CACNA1C: variants seen among roughly 807,000 people sequenced by gnomAD.
CACNA1C encodes the protein voltage-dependent L-type calcium channel subunit alpha-1C.
CACNA1C carries 30 observed loss-of-function variants against 229.0 expected under a neutral mutation model. The ratio of observed to expected loss-of-function variants is 0.13; its 90% CI spans 0.10 to 0.18. The LOEUF (loss-of-function observed/expected upper bound fraction) is 0.18, where lower values mean the gene tolerates loss of function less well. Ranked by LOEUF, CACNA1C falls within the 10% of genes least tolerant of loss-of-function variation. The pLI is 1.00. For missense variants in CACNA1C, 1,658 were observed against 2,845.0 expected (o/e 0.58, Z 9.49); for synonymous variants, 1,114 against 1,132.5 (o/e 0.98, Z 0.33).
chr12:2,020,627 C>T lies in CACNA1C; in HGVS notation c.139+49426C>T, dbSNP rs150655617. ...GGACTATAAGTACACTTGGCTACAA[C>T]AAAATGGTTGAGCAGGAAAGAAGGG... On this transcript the variant is annotated intron_variant, in intron 1 of 46. Coordinates refer to the CACNA1C transcript ENST00000682462. 3 of 152,154 alleles carry T rather than the reference C, an allele frequency of 2.0e-5. No individual in the cohort carries two copies. The East Asian group carries it at 5.8e-4, about 29-fold the overall frequency. The allele number at this position is 152,154 out of a possible 1,614,324, so 9.4% of individuals were successfully genotyped here. A position where few individuals can be genotyped will look rare whatever the true frequency, so the allele number is the denominator to read the frequency against.
chr12:2,620,600 C>T (rs1431939167), intron 29 of CACNA1C, among the ~76,000 whole-genome samples: 2 of 152,218 alleles, frequency 1.3e-5, no homozygotes, highest in Non-Finnish European at 2.9e-5. Flanking sequence ...CCCTGCATTC[C>T]CTAGATTGCT....
intron 3 of CACNA1C, among the ~76,000 whole-genome samples, chr12:2,177,587 C>CCCTCCCTCCCTCCCTCCTT (rs750852324): frequency 2.8e-4 from 22 of 78,518 alleles, no homozygotes; most frequent in Middle Eastern, 5.7e-3. Flanking sequence ...CTCCCTCCCT[C>CCCTCCCTCCCTCCCTCCTT]CCTTCCTTCC....
At chr12:2,305,399 C>T (rs992198347) in intron 3 of CACNA1C, among the ~76,000 whole-genome samples, 4 of 152,236 alleles carry the variant, frequency 2.6e-5, no homozygotes, top group African/African-American at 9.6e-5. Flanking sequence ...CAGCCTGGTG[C>T]TCCTTCCCCT....
rs755308493 is a variant in CACNA1C, at chr12:2,550,012, A to C, written c.1460A>C (p.Glu487Ala). ...ENVAGGDIEG[E>A]NCGARLAHRI... is the part of the protein sequence containing the mutation. ...GTGGCTGGAGGTGACATCGAGGGAGAAAACTGCGGGGCCAGGCTGGCGTGA... is the reference window on the plus strand; with the variant it reads ...GTGGCTGGAGGTGACATCGAGGGAGCAAACTGCGGGGCCAGGCTGGCGTGA... Residue 487 changes from glutamate to alanine, a missense_variant, in exon 10 of 47, where the codon GAA becomes GCA. Around this residue, in one of 20 missense-constraint regions of CACNA1C, gnomAD observed 149 missense variants for 194.2 expected, o/e 0.77. Coordinates refer to ENST00000399655, the MANE Select transcript of CACNA1C (RefSeq NM_000719.7). The C allele has an allele frequency of 1.2e-6, 2 of 1,606,962 alleles. No homozygotes were observed. The highest frequency in any genetic ancestry group is 1.7e-6 in the Non-Finnish European group (2 of 1,176,702).
chr12:2,374,116 G>A (rs147001819), intron 3 of CACNA1C, among the ~76,000 whole-genome samples: 154 of 152,294 alleles, frequency 1.0e-3, no homozygotes, highest in African/African-American at 3.6e-3. Flanking sequence ...CCCACAACTA[G>A]TAGACAGTAG....
intron 3 of CACNA1C, among the ~76,000 whole-genome samples, chr12:2,333,361 T>C (rs1593113823): frequency 2.0e-5 from 3 of 152,190 alleles, no homozygotes; most frequent in East Asian, 1.9e-4. Flanking sequence ...ATCATGCCCA[T>C]GGTGGGTGAA....
intron 3 of CACNA1C, among the ~76,000 whole-genome samples, chr12:2,416,194 C>G (rs946004367): frequency 3.3e-5 from 5 of 151,902 alleles, no homozygotes; most frequent in Admixed American, 2.0e-4. Flanking sequence ...CACTCATTTA[C>G]CGTCCTTCCC....
chr12:2,318,237 C>T (rs563643293), intron 3 of CACNA1C, among the ~76,000 whole-genome samples: 5 of 152,300 alleles, frequency 3.3e-5, no homozygotes, highest in African/African-American at 7.2e-5. Context: ...CCTTCTGGGG[C>T]GGGAACTCAC....
In CACNA1C at chr12:2,147,172, A is replaced by G. The variant is rs142909687; in HGVS notation, c.477+26742A>G. On this transcript the variant is annotated intron_variant, in intron 3 of 46. Coordinates refer to ENST00000399655, the MANE Select transcript of CACNA1C (RefSeq NM_000719.7). The stretch of plus-strand genomic sequence containing the variant: ...AACGAATCACTGAGAGAGGGGGGGA[A>G]CCTCCAAAATGTTGTGAGTTGCTTG... 1.8e-3 allele frequency among the ~76,000 whole-genome samples: 274 copies of G among 151,456 alleles called. 5 individuals carry two copies. Among genetic ancestry groups the G allele is most frequent in the African/African-American group, 6.1e-3 (252 of 41,484 alleles).
chr12:2,314,563 C>T (rs1203520484), intron 3 of CACNA1C, among the ~76,000 whole-genome samples: 1 of 152,190 alleles, frequency 6.6e-6, no homozygotes, highest in Admixed American at 6.5e-5. Flanking sequence ...TCCATTTCCC[C>T]TCTTGTTGTA....
chr12:2,216,735 G>C (rs1566461066), intron 3 of CACNA1C, among the ~76,000 whole-genome samples: 1 of 152,170 alleles, frequency 6.6e-6, no homozygotes, highest in South Asian at 2.1e-4. Flanking sequence ...TTTTTTGAAA[G>C]CACCCCCAGG....
chr12:2,167,862 G>A (rs548101356), intron 3 of CACNA1C, among the ~76,000 whole-genome samples: 9 of 152,168 alleles, frequency 5.9e-5, no homozygotes, highest in Non-Finnish European at 1.3e-4. Context: ...GTGAAACCCA[G>A]AAACTCATCC....
At position 2,688,519 on chromosome 12, in the gene CACNA1C, G is replaced by T. The variant is rs766480449; in HGVS notation, c.5857G>T (p.Ala1953Ser). The T allele has an allele frequency of 1.2e-6, 2 of 1,613,782 alleles. No individual in the cohort carries two copies. The highest frequency in any genetic ancestry group is 4.5e-5 in the East Asian group (2 of 44,824). Residue 1953 changes from alanine to serine, a missense_variant, in exon 46 of 47, where the codon GCC (alanine) becomes TCC (serine). Ala to Ser is a moderately conservative substitution (Grantham distance 99). Coordinates refer to ENST00000399655, the MANE Select transcript of CACNA1C (RefSeq NM_000719.7). ...HSPASFPRPFATPPATPGSRG... is the reference protein window; with the variant it reads ...HSPASFPRPFSTPPATPGSRG... ...CCCTGCCTCATTCCCTAGGCCTTTT[G>T]CCACCCCACCAGCCACACCTGGCAG... is the stretch of plus-strand genomic sequence containing the variant.
chr12:2,282,347 A>C (rs1291652560), intron 3 of CACNA1C, among the ~76,000 whole-genome samples: 1 of 152,164 alleles, frequency 6.6e-6, no homozygotes, highest in Non-Finnish European at 1.5e-5. Context: ...TGTGAGCCCA[A>C]AGGCACTAGA....
At chr12:2,178,783 T>C (rs1277521873) in intron 3 of CACNA1C, among the ~76,000 whole-genome samples, 1 of 152,120 alleles carries the variant, frequency 6.6e-6, no homozygotes, top group Non-Finnish European at 1.5e-5. Flanking sequence ...GAAGATAGGC[T>C]GGGCACAGTG....
chr12:2,385,551 G>A (rs1440545625), intron 3 of CACNA1C, among the ~76,000 whole-genome samples: 1 of 152,070 alleles, frequency 6.6e-6, no homozygotes, highest in East Asian at 1.9e-4. Context: ...CCTTAGGTAG[G>A]CCCCTGGCAG....
At chr12:2,564,283 C>T (rs1479326903) in intron 11 of CACNA1C, among the ~76,000 whole-genome samples, 3 of 152,182 alleles carry the variant, frequency 2.0e-5, no homozygotes, top group Non-Finnish European at 4.4e-5. Context: ...GCATGACCTA[C>T]TCAATAGATT....
At chr12:2,609,110 A>G (rs1342043276) in intron 27 of CACNA1C, among the ~76,000 whole-genome samples, 1 of 152,212 alleles carries the variant, frequency 6.6e-6, no homozygotes, top group African/African-American at 2.4e-5. Context: ...GAACGGCTTC[A>G]GGAAACCACT....
chr12:2,494,799 C>T (rs751281487), intron 7 of CACNA1C, among the ~76,000 whole-genome samples: 1 of 152,204 alleles, frequency 6.6e-6, no homozygotes, highest in Non-Finnish European at 1.5e-5. Flanking sequence ...AGTCAATATG[C>T]CAAACCCCAG....
Sources: allele counts gnomAD v4.1 joint callset (sites outside exome capture counted in the v4.1 genomes callset), GRCh38; gene constraint gnomAD v4.1.1; regional missense constraint gnomAD v4.1.1; transcripts MANE v1.5; gene names NCBI Gene and HGNC (gene_info 2026-07-23, HGNC 2026-07-21).